The following PAQR8 variants were observed in gnomAD, a reference collection of about 807,000 sequenced individuals.
The protein encoded by PAQR8 is progestin and adipoQ receptor family member 8, also known as membrane progestin receptor beta.
Under a neutral mutation model 25.2 loss-of-function variants are expected in PAQR8, and 17 were observed. The ratio of observed to expected loss-of-function variants is 0.67; its 90% CI spans 0.46 to 1.01. The LOEUF is 1.01. Among genes scored for constraint, PAQR8 ranks in the 50% least tolerant of loss-of-function variants. The pLI is 0.00. For missense variants in PAQR8, 392 were observed against 448.4 expected (o/e 0.87, Z 1.14); for synonymous variants, 204 against 190.6 (o/e 1.07, Z -0.58).
chr6:52,372,639 GA>G (rs1329958661), intron 1 of PAQR8, among the ~76,000 whole-genome samples: 1 of 151,300 alleles, frequency 6.6e-6, no homozygotes, highest in African/African-American at 2.4e-5. Context: ...TTCTGTTATT[GA>G]AATTTCAAAC....
chr6:52,375,423 C>T (rs768096322), intron 1 of PAQR8, among the ~76,000 whole-genome samples: 1 of 152,204 alleles, frequency 6.6e-6, no homozygotes, highest in East Asian at 1.9e-4. Flanking sequence ...TCCCTAACAG[C>T]TAGGGAGCAG....
chr6:52,371,058 A>G (rs1364623682), intron 1 of PAQR8, among the ~76,000 whole-genome samples: 2 of 152,352 alleles, frequency 1.3e-5, no homozygotes, highest in Non-Finnish European at 2.9e-5. Context: ...TTCATGCAAC[A>G]TATATTCTCT....
chr6:52,404,389 A>C lies in PAQR8; in HGVS notation c.*111A>C. On this transcript the variant is annotated 3_prime_UTR_variant, in exon 2 of 2. Coordinates refer to ENST00000442253, the MANE Select transcript of PAQR8 (RefSeq NM_133367.5). ...GGCTTTTAAATTAATACATATATCC[A>C]AGGATATGTTATAGCTGCAGTGTTT... The C allele has an allele frequency of 1.9e-6, 2 of 1,028,470 alleles. No individual in the cohort carries two copies. The highest frequency in any genetic ancestry group is 2.8e-6 in the Non-Finnish European group (2 of 714,986). The allele number at this position is 1,028,470 out of a possible 1,614,324, so 63.7% of individuals were successfully genotyped here.
chr6:52,364,295 A>G (rs948077557), intron 1 of PAQR8, among the ~76,000 whole-genome samples: 1 of 152,086 alleles, frequency 6.6e-6, no homozygotes, highest in African/African-American at 2.4e-5. Flanking sequence ...CGATTTATTC[A>G]TTTTACAAGA....
In PAQR8 at chr6:52,406,138, T is replaced by G. The variant is rs546111599; in HGVS notation, c.*1860T>G. 1 of 191,722 alleles carries G rather than the reference T, an allele frequency of 5.2e-6. No individual in the cohort carries two copies. Among genetic ancestry groups the G allele is most frequent in the South Asian group, 2.0e-4 (1 of 5,078 alleles). 11.9% of individuals were successfully genotyped at this position (191,722 alleles called of 1,614,324 possible). A position where few individuals can be genotyped will look rare whatever the true frequency, so the allele number is the denominator to read the frequency against. ...AGGACAAATTTATGGCAAATAAAAT[T>G]AGCAAAACTGAACTGGGTTGAACTG... On this transcript the variant is annotated 3_prime_UTR_variant, in exon 2 of 2. Coordinates refer to ENST00000442253, the MANE Select transcript of PAQR8 (RefSeq NM_133367.5).
At chr6:52,396,768 C>T (rs722101) in intron 1 of PAQR8, among the ~76,000 whole-genome samples, 21,309 of 152,066 alleles carry the variant, frequency 0.14, 1,599 homozygotes, top group Middle Eastern at 0.24. Flanking sequence ...CAGCAAACCT[C>T]GATTCTGATT....
intron 1 of PAQR8, among the ~76,000 whole-genome samples, chr6:52,363,173 G>T (rs1433855587): frequency 2.0e-5 from 3 of 152,166 alleles, no homozygotes; most frequent in African/African-American, 7.2e-5. Context: ...TCGGAGCCTG[G>T]GTTTGGGGGC....
intron 1 of PAQR8, among the ~76,000 whole-genome samples, chr6:52,370,667 C>G (rs1763407827): frequency 6.6e-6 from 1 of 152,098 alleles, no homozygotes; most frequent in Admixed American, 6.5e-5. Flanking sequence ...GAAGAATATC[C>G]AAAGAGGGGG....
chr6:52,384,906 A>G (rs529353680), intron 1 of PAQR8, among the ~76,000 whole-genome samples: 32 of 152,274 alleles, frequency 2.1e-4, no homozygotes, highest in African/African-American at 7.5e-4. Context: ...AAAAATAAAC[A>G]ATGGGGAAAG....
chr6:52,395,464 T>A (rs1455062109), intron 1 of PAQR8, among the ~76,000 whole-genome samples: 1 of 152,144 alleles, frequency 6.6e-6, no homozygotes, highest in Admixed American at 6.5e-5. Context: ...AGTTCAAATA[T>A]CCCACTGCTC....
intron 1 of PAQR8, among the ~76,000 whole-genome samples, chr6:52,395,074 C>G (rs1013207735): frequency 6.6e-6 from 1 of 151,826 alleles, no homozygotes; most frequent in African/African-American, 2.4e-5. Flanking sequence ...TGAGACCAGC[C>G]TGACTAATAT....
intron 1 of PAQR8, among the ~76,000 whole-genome samples, chr6:52,394,663 T>C (rs1010288363): frequency 6.6e-6 from 1 of 152,194 alleles, no homozygotes; most frequent in Non-Finnish European, 1.5e-5. Context: ...GTAGGCTAAG[T>C]GTGTGTTCTG....
chr6:52,407,415 A>G lies in PAQR8; in HGVS notation c.*3137A>G, dbSNP rs1363761498. On this transcript the variant is annotated 3_prime_UTR_variant, in exon 2 of 2. Coordinates refer to ENST00000442253, the MANE Select transcript of PAQR8 (RefSeq NM_133367.5). ...GCGGAAAGTACTTCACTCAACAACA[A>G]TATTCTCAAGAGTCTTCTACTGGAA... 1 of 167,052 alleles carries G rather than the reference A, an allele frequency of 6.0e-6. No individual in the cohort carries two copies. Among genetic ancestry groups the G allele is most frequent in the African/African-American group, 2.4e-5 (1 of 41,454 alleles). The allele number at this position is 167,052 out of a possible 1,614,324, so 10.3% of individuals were successfully genotyped here.
intron 1 of PAQR8, among the ~76,000 whole-genome samples, chr6:52,371,159 GGAAA>G (rs1390940734): frequency 4.6e-5 from 7 of 152,018 alleles, no homozygotes; most frequent in Non-Finnish European, 1.5e-5. Context: ...CAGGATAAGG[GGAAA>G]GAGAGTGCCA....
rs932687417 is a variant in PAQR8 at position 52,404,365 on chromosome 6, G to C, written c.*87G>C. On this transcript the variant is annotated 3_prime_UTR_variant, in exon 2 of 2. Coordinates refer to ENST00000442253, the MANE Select transcript of PAQR8 (RefSeq NM_133367.5). ...ATAGAAGCTGACTTTTAAGGCATTG[G>C]CTTTTAAATTAATACATATATCCAA... 3.7e-5 allele frequency: 46 copies of C among 1,233,558 alleles called. No homozygotes were observed. Among genetic ancestry groups the C allele is most frequent in the Non-Finnish European group, 5.0e-5 (45 of 900,862 alleles). The allele number at this position is 1,233,558 out of a possible 1,614,324, so 76.4% of individuals were successfully genotyped here. A position where few individuals can be genotyped will look rare whatever the true frequency, so the allele number is the denominator to read the frequency against.
intron 1 of PAQR8, among the ~76,000 whole-genome samples, chr6:52,380,143 A>G (rs1409956800): frequency 6.6e-6 from 1 of 152,242 alleles, no homozygotes; most frequent in African/African-American, 2.4e-5. Context: ...AAGAAAAAGT[A>G]GAGCAGAGTT....
Position 52,403,428 on chromosome 6 carries a change from AAC to A in PAQR8, c.219_220del (p.His73GlnfsTer27), listed in dbSNP as rs1469383850. ...TACTACTTCTTCAGCCTCTTTCAGA[AAC>A]ACAACGAGGTGGTCAACGTCTGGAC... On this transcript the variant is annotated frameshift_variant, in exon 2 of 2. Coordinates refer to ENST00000442253, the MANE Select transcript of PAQR8 (RefSeq NM_133367.5). LOFTEE classifies it high-confidence loss of function. 1 of 1,614,260 alleles carries A rather than the reference AAC, an allele frequency of 6.2e-7. No individual in the cohort carries two copies.
chr6:52,403,585 C>T lies in PAQR8; in HGVS notation c.372C>T (p.Thr124=), dbSNP rs1017311983. The stretch of plus-strand genomic sequence containing the variant: ...TCCTGTCGTCAATCACTTACCTCAC[C>T]TGCAGCCTTCTGGCCCACCTGCTGC... The part of the protein sequence containing the change: ...LFILSSITYL[T]CSLLAHLLQS... Residue 124 remains threonine, a synonymous_variant, in exon 2 of 2, where the codon ACC becomes ACT. Coordinates refer to ENST00000442253, the MANE Select transcript of PAQR8 (RefSeq NM_133367.5). 5.0e-6 allele frequency: 8 copies of T among 1,614,156 alleles called. No individual in the cohort carries two copies. The highest frequency in any genetic ancestry group is 6.8e-6 in the Non-Finnish European group (8 of 1,180,046).
intron 1 of PAQR8, among the ~76,000 whole-genome samples, chr6:52,383,213 C>T (rs1339094536): frequency 1.3e-5 from 2 of 152,208 alleles, no homozygotes; most frequent in African/African-American, 2.4e-5. Context: ...ATAAATGTTA[C>T]GTTATTCTCT....
Sources: allele counts gnomAD v4.1 joint callset (sites outside exome capture counted in the v4.1 genomes callset), GRCh38; gene constraint gnomAD v4.1.1; transcripts MANE v1.5; gene names NCBI Gene and HGNC (gene_info 2026-07-23, HGNC 2026-07-21).